The following ANK3 variants were observed in gnomAD, a reference collection of about 807,000 sequenced individuals.
ANK3 encodes ankyrin-3.
ANK3 carries 57 observed loss-of-function variants against 370.9 expected under a neutral mutation model. The observed-to-expected ratio is 0.15, with a 90% CI of 0.12 to 0.19. The LOEUF (loss-of-function observed/expected upper bound fraction) is 0.19. Among genes scored for constraint, ANK3 ranks in the 10% least tolerant of loss-of-function variants. ANK3 has a pLI of 1.00. For synonymous variants in ANK3, 1,929 were observed against 1,946.3 expected (o/e 0.99, Z 0.23); for missense variants, 4,439 against 5,302.1 (o/e 0.84, Z 5.06).
intron 16 of ANK3, among the ~76,000 whole-genome samples, chr10:60,193,215 T>C (rs2096526032): frequency 6.6e-6 from 1 of 152,232 alleles, no homozygotes; most frequent in Non-Finnish European, 1.5e-5. Flanking sequence ...GCTAATGGAA[T>C]GTTATAAAGA....
intron 1 of ANK3, among the ~76,000 whole-genome samples, chr10:60,662,597 A>C (rs1227453964): frequency 1.3e-4 from 20 of 152,206 alleles, no homozygotes; most frequent in Admixed American, 1.3e-3. Context: ...TCATTTATTA[A>C]AAGAAACATA....
chr10:60,424,746 A>G (rs2063845611), intron 2 of ANK3, among the ~76,000 whole-genome samples: 1 of 152,052 alleles, frequency 6.6e-6, no homozygotes, highest in South Asian at 2.1e-4. Flanking sequence ...CACATGAAAA[A>G]TCTAGATGAT....
At chr10:60,665,945 T>C (rs1455946595) in intron 1 of ANK3, among the ~76,000 whole-genome samples, 3 of 152,288 alleles carry the variant, frequency 2.0e-5, no homozygotes, top group South Asian at 2.1e-4. Flanking sequence ...AATTAGAACA[T>C]GTATGTGCTA....
intron 16 of ANK3, among the ~76,000 whole-genome samples, chr10:60,195,812 CAT>C (rs112861621): frequency 0.021 from 3,233 of 152,292 alleles, 115 homozygotes; most frequent in African/African-American, 0.073. Context: ...AAATGTAACA[CAT>C]GTTTCATAAT....
chr10:60,171,426 C>A (rs944358108), intron 21 of ANK3, among the ~76,000 whole-genome samples: 12 of 152,196 alleles, frequency 7.9e-5, no homozygotes, highest in African/African-American at 2.9e-4. Context: ...GGTATACAAA[C>A]TAATTTGCAG....
At chr10:60,153,731 C>T (rs972404524) in intron 23 of ANK3, among the ~76,000 whole-genome samples, 1 of 152,162 alleles carries the variant, frequency 6.6e-6, no homozygotes, top group Non-Finnish European at 1.5e-5. Flanking sequence ...TTGTCCCAGT[C>T]CACAGATCTT....
chr10:60,083,889 G>T, intron 32 of ANK3: 2 of 249,572 alleles, frequency 8.0e-6, no homozygotes, highest in Non-Finnish European at 7.4e-6. Context: ...GAATGTGCCT[G>T]ACATCAATCA....
At chr10:60,399,414 G>A (rs138572645) in intron 2 of ANK3, among the ~76,000 whole-genome samples, 1 of 152,158 alleles carries the variant, frequency 6.6e-6, no homozygotes, top group African/African-American at 2.4e-5. Flanking sequence ...GCACAAAATT[G>A]TTATTCAGAG....
intron 1 of ANK3, among the ~76,000 whole-genome samples, chr10:60,309,830 C>A (rs758194975): frequency 3.3e-5 from 5 of 151,590 alleles, no homozygotes; most frequent in Non-Finnish European, 5.9e-5. Context: ...TATGCAAAAT[C>A]AATCATCCCA....
chr10:60,655,338 G>A (rs1033350204), intron 1 of ANK3, among the ~76,000 whole-genome samples: 9 of 151,948 alleles, frequency 5.9e-5, no homozygotes, highest in African/African-American at 1.7e-4. Flanking sequence ...ACCTTCCAGG[G>A]GGACAAATTG....
At chr10:60,641,668 C>T (rs1308470456) in intron 1 of ANK3, among the ~76,000 whole-genome samples, 402 of 151,634 alleles carry the variant, frequency 2.7e-3, no homozygotes, top group Non-Finnish European at 3.8e-3. Flanking sequence ...GACCTAAAAC[C>T]ATAAAAACCC....
chr10:60,688,836 T>A (rs1411066072), intron 1 of ANK3, among the ~76,000 whole-genome samples: 3 of 151,550 alleles, frequency 2.0e-5, no homozygotes, highest in Non-Finnish European at 4.4e-5. Context: ...TAGTCCCAGA[T>A]ACTCAGGAAG....
chr10:60,504,524 A>T (rs2075884939), intron 2 of ANK3, among the ~76,000 whole-genome samples: 1 of 152,172 alleles, frequency 6.6e-6, no homozygotes, highest in Non-Finnish European at 1.5e-5. Context: ...TTGCAGCAAG[A>T]AGTCCATCTG....
At chr10:60,513,738 G>A (rs540105642) in intron 2 of ANK3, among the ~76,000 whole-genome samples, 7 of 152,054 alleles carry the variant, frequency 4.6e-5, no homozygotes, top group African/African-American at 1.7e-4. Context: ...GCATATGGAA[G>A]GGGAAACATG....
At chr10:60,519,054 G>T (rs2153522) in intron 2 of ANK3, among the ~76,000 whole-genome samples, 1 of 151,974 alleles carries the variant, frequency 6.6e-6, no homozygotes, top group Non-Finnish European at 1.5e-5. Flanking sequence ...ATGCTGGAGA[G>T]CACAGTAAGA....
chr10:60,697,283 G>A (rs2079473063), intron 1 of ANK3, among the ~76,000 whole-genome samples: 1 of 151,606 alleles, frequency 6.6e-6, no homozygotes, highest in African/African-American at 2.4e-5. Context: ...AACATTCCAT[G>A]CTCATGGGTA....
chr10:60,038,318 A>C (rs2075478244), intron 43 of ANK3, among the ~76,000 whole-genome samples: 1 of 152,028 alleles, frequency 6.6e-6, no homozygotes, highest in Non-Finnish European at 1.5e-5. Flanking sequence ...AATTGCTTGA[A>C]CCCAGGAGGC....
intron 4 of ANK3, among the ~76,000 whole-genome samples, chr10:60,277,556 CA>C (rs1032188183): frequency 2.0e-4 from 30 of 152,192 alleles, no homozygotes; most frequent in African/African-American, 6.0e-4. Context: ...AAGTATTTGC[CA>C]TCCAAAGATC....
intron 1 of ANK3, among the ~76,000 whole-genome samples, chr10:60,649,652 C>T (rs1564486933): frequency 3.9e-5 from 6 of 152,216 alleles, no homozygotes; most frequent in Non-Finnish European, 8.8e-5. Context: ...CTACAATCTA[C>T]TGAGCCCTAG....
Sources: gnomAD v4.1 joint callset for allele counts (sites outside exome capture counted in the v4.1 genomes callset) on GRCh38, gnomAD v4.1.1 for gene constraint, MANE v1.5 for transcripts, NCBI Gene and HGNC (gene_info 2026-07-23, HGNC 2026-07-21) for gene names.